The following KIAA1549L variants were observed in gnomAD, a reference collection of about 807,000 sequenced individuals.
KIAA1549L encodes the protein UPF0606 protein KIAA1549L.
In KIAA1549L, 88 loss-of-function variants were observed where a neutral mutation model predicts 160.7. The ratio of observed to expected loss-of-function variants is 0.55; its 90% CI spans 0.46 to 0.65. KIAA1549L has a LOEUF of 0.65. KIAA1549L is among the 30% of genes least tolerant of loss of function. The pLI is 0.00. For missense variants in KIAA1549L, 2,258 were observed against 2,437.5 expected (o/e 0.93, Z 1.55); for synonymous variants, 950 against 976.7 (o/e 0.97, Z 0.51).
intron 1 of KIAA1549L, among the ~76,000 whole-genome samples, chr11:33,394,041 C>T (rs1850321106): frequency 6.6e-6 from 1 of 152,104 alleles, no homozygotes; most frequent in Non-Finnish European, 1.5e-5. Flanking sequence ...CATCACAAGC[C>T]AGGTACTAAC....
chr11:33,535,416 T>C (rs1219214672), intron 1 of KIAA1549L, among the ~76,000 whole-genome samples: 1 of 152,192 alleles, frequency 6.6e-6, no homozygotes, highest in Admixed American at 6.5e-5. Flanking sequence ...CTCATGCTGG[T>C]AATCTCAGCA....
At chr11:33,594,635 T>C (rs1850151339) in intron 12 of KIAA1549L, among the ~76,000 whole-genome samples, 1 of 152,222 alleles carries the variant, frequency 6.6e-6, no homozygotes, top group African/African-American at 2.4e-5. Context: ...TCATGGTTGC[T>C]ACTGTCCTCT....
At chr11:33,439,563 C>A (rs1205849855) in intron 1 of KIAA1549L, among the ~76,000 whole-genome samples, 1 of 144,458 alleles carries the variant, frequency 6.9e-6, no homozygotes, top group African/African-American at 2.6e-5. Context: ...CCAGCATGCC[C>A]GGCTAATTTT....
chr11:33,421,363 G>C (rs1394634334), intron 1 of KIAA1549L, among the ~76,000 whole-genome samples: 3 of 152,210 alleles, frequency 2.0e-5, no homozygotes, highest in Non-Finnish European at 4.4e-5. Context: ...CCCATGACAG[G>C]AGCTTTTAGA....
rs1852687292 is a variant in KIAA1549L, at chr11:33,672,036, C to G, written c.*3882C>G. 1.3e-5 allele frequency: 2 copies of G among 152,190 alleles called. No homozygotes were observed. Among genetic ancestry groups the G allele is most frequent in the African/African-American group, 4.8e-5 (2 of 41,428 alleles). 9.4% of individuals were successfully genotyped at this position (152,190 alleles called of 1,614,324 possible). ...AAGGAGTTTTGCAAGGACTAGAAAC[C>G]CTTTCACACTTGAAGTGCAGGTGTT... On this transcript the variant is annotated 3_prime_UTR_variant, in exon 21 of 21. Transcript: ENST00000658780.
intron 4 of KIAA1549L, among the ~76,000 whole-genome samples, chr11:33,549,811 G>T (rs59919306): frequency 7.2e-5 from 11 of 152,030 alleles, no homozygotes; most frequent in African/African-American, 2.7e-4. Flanking sequence ...TGAGACCAGC[G>T]TGGGCAACGT....
At position 33,544,037 on chromosome 11, in the gene KIAA1549L, C is replaced by T. The variant is rs1854139654; in HGVS notation, c.2474C>T (p.Thr825Ile). The T allele has an allele frequency of 1.2e-6, 2 of 1,614,054 alleles. No individual in the cohort carries two copies. The part of the protein sequence containing the change: ...TAEVAYYSPT[T>I]RHSVSHPQLQ... ...GAAGTTGCATATTACTCACCCACAACTCGACATTCCGTGTCTCATCCTCAG... is the reference window on the plus strand; with the variant it reads ...GAAGTTGCATATTACTCACCCACAATTCGACATTCCGTGTCTCATCCTCAG... Residue 825 changes from threonine to isoleucine, a missense_variant, in exon 2 of 21, where the codon ACT becomes ATT. This residue lies in a region of KIAA1549L where 287 missense variants were observed against 292.3 expected (regional missense o/e 0.98). Coordinates refer to ENST00000658780, the MANE Select transcript of KIAA1549L (RefSeq NM_012194.3).
rs191595210 is a variant in KIAA1549L, at chr11:33,589,476, G to A, written c.4567-1761G>A. Among the ~76,000 whole-genome samples the A allele has an allele frequency of 8.1e-4, 123 of 152,198 alleles. 1 individual carries two copies. Among genetic ancestry groups the A allele is most frequent in the Non-Finnish European group, 2.4e-4 (16 of 68,028 alleles). On this transcript the variant is annotated intron_variant, in intron 11 of 20. Coordinates refer to ENST00000658780, the MANE Select transcript of KIAA1549L (RefSeq NM_012194.3). ...ACACATGCATACGTATGTTTATTGC[G>A]GCACTATTCACAATAGCAAAGACTT...
chr11:33,470,229 A>G (rs1447171051), intron 1 of KIAA1549L, among the ~76,000 whole-genome samples: 2 of 152,114 alleles, frequency 1.3e-5, no homozygotes, highest in Non-Finnish European at 1.5e-5. Flanking sequence ...GTTGTTTTAC[A>G]TGTGGGTATC....
intron 1 of KIAA1549L, among the ~76,000 whole-genome samples, chr11:33,514,004 G>T (rs1164410591): frequency 6.6e-6 from 1 of 152,194 alleles, no homozygotes; most frequent in African/African-American, 2.4e-5. Flanking sequence ...GCTGTCTAAG[G>T]AAGTGAATGA....
At position 33,606,695 on chromosome 11, in the gene KIAA1549L, T is replaced by C. The variant is rs762027204; in HGVS notation, c.4934T>C (p.Val1645Ala). 1 of 1,613,930 alleles carries C rather than the reference T, an allele frequency of 6.2e-7. No homozygotes were observed. Among genetic ancestry groups the C allele is most frequent in the Non-Finnish European group, 8.5e-7 (1 of 1,179,852 alleles). ...GTTCTATTTGACAACTCCAGCAAGG[T>C]GGCCGCTGAACCCTTTGACACATCT... ...GAVLFDNSSK[V>A]AAEPFDTSSG... The change falls in exon 14 of 21, where the codon GTG (valine) becomes GCG (alanine). Residue 1645 changes from valine (V) to alanine (A), a missense_variant. Val to Ala is a moderately conservative substitution (Grantham distance 64). This residue lies in a region of KIAA1549L where 1,359 missense variants were observed against 1,546.6 expected (regional missense o/e 0.88). Transcript: ENST00000658780.
Position 33,645,771 on chromosome 11 carries a change from A to T in KIAA1549L, c.5495A>T (p.His1832Leu). Residue 1832 changes from histidine (H) to leucine (L), a missense_variant, in exon 17 of 21, where the codon CAC becomes CTC. Around this residue, in one of 6 missense-constraint regions of KIAA1549L, gnomAD observed 1,359 missense variants for 1,546.6 expected, o/e 0.88. Transcript: ENST00000658780. The stretch of plus-strand genomic sequence containing the variant: ...TCCAGGTCTCGACAGGTGAAAGGCC[A>T]CTCGGAGACCTCCACACTGAGCTCC... The part of the protein sequence containing the change: ...GYSRSRQVKG[H>L]SETSTLSSQP... The T allele has an allele frequency of 6.2e-7, 1 of 1,613,850 alleles. No homozygotes were observed. Among genetic ancestry groups the T allele is most frequent in the Non-Finnish European group, 8.5e-7 (1 of 1,179,852 alleles).
intron 1 of KIAA1549L, among the ~76,000 whole-genome samples, chr11:33,507,032 C>A (rs748788611): frequency 5.9e-5 from 9 of 152,064 alleles, no homozygotes; most frequent in Non-Finnish European, 1.2e-4. Context: ...AACTCCTGAG[C>A]CACTCAGTCC....
At chr11:33,658,347 CTCCAGAGAGAGCCT>C (rs1407869756) in intron 18 of KIAA1549L, among the ~76,000 whole-genome samples, 1 of 152,176 alleles carries the variant, frequency 6.6e-6, no homozygotes, top group Non-Finnish European at 1.5e-5. Flanking sequence ...CAACCAGGCA[CTCCAGAGAGAGCCT>C]TCCCACTGGC....
chr11:33,413,566 G>T (rs1850826904), intron 1 of KIAA1549L, among the ~76,000 whole-genome samples: 1 of 151,914 alleles, frequency 6.6e-6, no homozygotes, highest in African/African-American at 2.4e-5. Context: ...AGTTAGGATT[G>T]TTATGCTACC....
chr11:33,505,219 G>A (rs1269580636), intron 1 of KIAA1549L, among the ~76,000 whole-genome samples: 2 of 152,160 alleles, frequency 1.3e-5, no homozygotes, highest in African/African-American at 2.4e-5. Flanking sequence ...CGCCTCAGAA[G>A]AATTTCCAAA....
chr11:33,460,240 A>G (rs1385435634), intron 1 of KIAA1549L, among the ~76,000 whole-genome samples: 1 of 152,180 alleles, frequency 6.6e-6, no homozygotes, highest in Non-Finnish European at 1.5e-5. Flanking sequence ...GAATGGAAGT[A>G]GAAAATTGGC....
intron 1 of KIAA1549L, among the ~76,000 whole-genome samples, chr11:33,411,361 C>T (rs915954040): frequency 6.6e-6 from 1 of 152,156 alleles, no homozygotes; most frequent in African/African-American, 2.4e-5. Context: ...CATCCTGACT[C>T]CACCTGAGAC....
rs776240568 is a variant in KIAA1549L, at chr11:33,547,820, G to A, written c.3442G>A (p.Ala1148Thr). 37 of 1,613,412 alleles carry A rather than the reference G, an allele frequency of 2.3e-5. No homozygotes were observed. Among genetic ancestry groups the A allele is most frequent in the African/African-American group, 4.0e-5 (3 of 74,902 alleles). ...CAGTGAATCCTTGAAGTTCAGTATCGCCAAAGGGCTCACACAGGCATTGCG... is the reference window on the plus strand; with the variant it reads ...CAGTGAATCCTTGAAGTTCAGTATCACCAAAGGGCTCACACAGGCATTGCG... ...QISESLKFSIAKGLTQALRKA... is the reference protein window; with the variant it reads ...QISESLKFSITKGLTQALRKA... Residue 1148 changes from alanine (A) to threonine (T), a missense_variant, in exon 4 of 21, where the codon GCC becomes ACC. Around this residue, in one of 6 missense-constraint regions of KIAA1549L, gnomAD observed 1,359 missense variants for 1,546.6 expected, o/e 0.88. Transcript: ENST00000658780.
Sources: allele counts gnomAD v4.1 joint callset (sites outside exome capture counted in the v4.1 genomes callset), GRCh38; gene constraint gnomAD v4.1.1; regional missense constraint gnomAD v4.1.1; transcripts MANE v1.5; gene names NCBI Gene and HGNC (gene_info 2026-07-23, HGNC 2026-07-21).